Variants in PEX14 observed in about 807,000 individuals in gnomAD.
PEX14 encodes peroxisomal biogenesis factor 14.
Under a neutral mutation model 49.5 loss-of-function variants are expected in PEX14, and 15 were observed. That is an observed-to-expected ratio of 0.30 (90% CI 0.20 to 0.47). The LOEUF (loss-of-function observed/expected upper bound fraction) is 0.47. Ranked by LOEUF, PEX14 falls within the 20% of genes least tolerant of loss-of-function variation. PEX14 has a pLI of 1.00. For synonymous variants in PEX14, 210 were observed against 212.7 expected, an observed-to-expected ratio of 0.99 and a Z score of 0.11; for missense variants, 398 against 494.8, an observed-to-expected ratio of 0.80 and a Z score of 1.86.
intron 2 of PEX14, among the ~76,000 whole-genome samples, chr1:10,525,464 A>G (rs1184836963): frequency 1.3e-5 from 2 of 152,212 alleles, no homozygotes; most frequent in Non-Finnish European, 2.9e-5. Context: ...TTTTTAGAAA[A>G]TGGAACCTGA....
At chr1:10,610,736 G>A (rs192123792) in intron 4 of PEX14, among the ~76,000 whole-genome samples, 97 of 152,214 alleles carry the variant, frequency 6.4e-4, no homozygotes, top group Admixed American at 2.2e-3. Context: ...CAGGTGATCC[G>A]TCCGCCTTGG....
chr1:10,493,037 G>A (rs1295002305), intron 1 of PEX14, among the ~76,000 whole-genome samples: 1 of 152,190 alleles, frequency 6.6e-6, no homozygotes, highest in Non-Finnish European at 1.5e-5. Context: ...TAAAGGGAAG[G>A]AAGGGCATGT....
At chr1:10,581,779 TAAAATA>T (rs1640329316) in intron 3 of PEX14, among the ~76,000 whole-genome samples, 1 of 149,724 alleles carries the variant, frequency 6.7e-6, no homozygotes, top group African/African-American at 2.4e-5. Flanking sequence ...TAATAATTTA[TAAAATA>T]AAAATAAAAT....
chr1:10,505,433 A>G (rs1165771426), intron 2 of PEX14, among the ~76,000 whole-genome samples: 1 of 152,212 alleles, frequency 6.6e-6, no homozygotes, highest in East Asian at 1.9e-4. Context: ...TGACAGAGCG[A>G]GACCTGTCTC....
At chr1:10,569,330 A>T (rs772489990) in intron 3 of PEX14, among the ~76,000 whole-genome samples, 1 of 152,016 alleles carries the variant, frequency 6.6e-6, no homozygotes, top group South Asian at 2.1e-4. Context: ...TTAGCTGTGT[A>T]CTTATCACTG....
At chr1:10,509,525 T>G (rs1364439257) in intron 2 of PEX14, among the ~76,000 whole-genome samples, 3 of 152,112 alleles carry the variant, frequency 2.0e-5, no homozygotes, top group Non-Finnish European at 1.5e-5. Context: ...TCCAGATCTG[T>G]GGTCCCATCC....
chr1:10,584,887 T>A (rs979197779), intron 3 of PEX14, among the ~76,000 whole-genome samples: 3 of 152,212 alleles, frequency 2.0e-5, no homozygotes. Flanking sequence ...CAACGAATAT[T>A]GACTGTGTAA....
chr1:10,574,990 T>C (rs1267144810), intron 3 of PEX14, among the ~76,000 whole-genome samples: 1 of 151,368 alleles, frequency 6.6e-6, no homozygotes, highest in East Asian at 1.9e-4. Context: ...TGTGCACTTG[T>C]AGTCCCAGCT....
chr1:10,591,472 G>T (rs1640664416), intron 3 of PEX14, among the ~76,000 whole-genome samples: 1 of 152,092 alleles, frequency 6.6e-6, no homozygotes, highest in Non-Finnish European at 1.5e-5. Context: ...TATTTTCTTT[G>T]TTCTTAAATT....
chr1:10,505,860 T>C (rs1307526509), intron 2 of PEX14, among the ~76,000 whole-genome samples: 1 of 152,070 alleles, frequency 6.6e-6, no homozygotes, highest in African/African-American at 2.4e-5. Flanking sequence ...TTTGTATTTT[T>C]AGTAAAGACA....
At chr1:10,584,956 A>G (rs1305596673) in intron 3 of PEX14, among the ~76,000 whole-genome samples, 1 of 152,244 alleles carries the variant, frequency 6.6e-6, no homozygotes, top group Non-Finnish European at 1.5e-5. Flanking sequence ...GCATGCCAGT[A>G]CACAAAAGGA....
intron 3 of PEX14, among the ~76,000 whole-genome samples, chr1:10,555,506 A>G (rs1255310598): frequency 6.6e-6 from 1 of 152,238 alleles, no homozygotes; most frequent in Non-Finnish European, 1.5e-5. Context: ...CGCAGCGTTT[A>G]ACCTATCAGA....
chr1:10,592,883 G>C (rs1315196365), intron 3 of PEX14, among the ~76,000 whole-genome samples: 2 of 152,196 alleles, frequency 1.3e-5, no homozygotes, highest in African/African-American at 4.8e-5. Flanking sequence ...CTCGCCTGCT[G>C]TTGTTCCACG....
Position 10,629,886 on chromosome 1 carries a change from G to C in PEX14, c.1033G>C (p.Val345Leu), listed in dbSNP as rs1402699992. ...SHVDEEDCLG[V>L]QREDRRGGDG... Reference sequence around the variant, plus strand: ...TGTGGACGAGGAGGACTGCCTGGGGGTGCAGAGGGAGGACCGCCGGGGCGG... The same window carrying C: ...TGTGGACGAGGAGGACTGCCTGGGGCTGCAGAGGGAGGACCGCCGGGGCGG... Residue 345 changes from valine (V) to leucine (L), a missense_variant, in exon 9 of 9, where the codon GTG (valine) becomes CTG (leucine). This residue lies in a region of PEX14 where 140 missense variants were observed against 155.5 expected (regional missense o/e 0.90). Coordinates refer to ENST00000356607, the MANE Select transcript of PEX14 (RefSeq NM_004565.3). This position sits in a 1 kb window ranked among gnomAD's most constrained non-coding sequence, Gnocchi z 8.5. 6 of 1,612,862 alleles carry C rather than the reference G, an allele frequency of 3.7e-6. No individual in the cohort carries two copies. The African/African-American group carries it at 5.3e-5, about 14-fold the overall frequency.
At chr1:10,544,485 G>T (rs1639109775) in intron 3 of PEX14, among the ~76,000 whole-genome samples, 1 of 152,190 alleles carries the variant, frequency 6.6e-6, no homozygotes, top group Admixed American at 6.5e-5. Flanking sequence ...ATGGGCCGAA[G>T]ATGACTCTCA....
chr1:10,612,773 T>A (rs1641308705), intron 4 of PEX14, among the ~76,000 whole-genome samples: 1 of 152,258 alleles, frequency 6.6e-6, no homozygotes, highest in Admixed American at 6.5e-5. Flanking sequence ...GCTGGCTTTA[T>A]TCCAGGACCT....
chr1:10,541,371 A>T (rs1464935066), intron 3 of PEX14, among the ~76,000 whole-genome samples: 1 of 152,212 alleles, frequency 6.6e-6, no homozygotes, highest in Non-Finnish European at 1.5e-5. Flanking sequence ...AGGCAAAATG[A>T]GAAGAGTCCA....
In PEX14 at chr1:10,602,422, TA is replaced by T. The variant is rs78738767; in HGVS notation, c.298+3069del. ...TTTGCCAAGAGGTGTCAAAACTGCT[TA>T]AAAAAAAAAAAAGCTTGATTTTGAT... On this transcript the variant is annotated intron_variant, in intron 4 of 8. Coordinates refer to ENST00000356607, the MANE Select transcript of PEX14 (RefSeq NM_004565.3). Among the ~76,000 whole-genome samples, 166 of 137,170 alleles carry T rather than the reference TA, an allele frequency of 1.2e-3. 1 individual carries two copies. The highest frequency in any genetic ancestry group is 1.2e-3 in the Non-Finnish European group (75 of 62,752). The allele number at this position is 137,170 out of a possible 152,430, so 90.0% of individuals were successfully genotyped here. A position where few individuals can be genotyped will look rare whatever the true frequency, so the allele number is the denominator to read the frequency against.
intron 6 of PEX14, among the ~76,000 whole-genome samples, 168 bp from the exon 7 acceptor site, chr1:10,624,172 G>A (rs547621214): frequency 1.3e-5 from 2 of 152,320 alleles, no homozygotes; most frequent in South Asian, 2.1e-4. Context: ...TACAGTGCAG[G>A]CAGATCACCC....
Sources: gnomAD v4.1 joint callset for allele counts (sites outside exome capture counted in the v4.1 genomes callset) on GRCh38, gnomAD v4.1.1 for gene constraint, gnomAD v4.1.1 regional missense constraint, Gnocchi (gnomAD v3.1) non-coding constraint, MANE v1.5 for transcripts, NCBI Gene and HGNC (gene_info 2026-07-23, HGNC 2026-07-21) for gene names.